The following LRP1B variants were observed in gnomAD, a reference collection of about 807,000 sequenced individuals.
LRP1B encodes low-density lipoprotein receptor-related protein 1B.
LRP1B carries 217 observed loss-of-function variants against 556.6 expected under a neutral mutation model. The ratio of observed to expected loss-of-function variants is 0.39; its 90% CI spans 0.35 to 0.44. The LOEUF (loss-of-function observed/expected upper bound fraction) is 0.44. Ranked by LOEUF, LRP1B falls within the 20% of genes least tolerant of loss-of-function variation. The pLI is 1.00. For synonymous variants in LRP1B, 2,047 were observed against 1,865.8 expected, an observed-to-expected ratio of 1.10 and a Z score of -2.50; for missense variants, 5,053 against 5,620.8, an observed-to-expected ratio of 0.90 and a Z score of 3.23.
intron 20 of LRP1B, 28 bp downstream of exon 20, chr2:140,950,207 G>A (rs761231525): frequency 1.4e-6 from 2 of 1,472,148 alleles, no homozygotes; most frequent in Non-Finnish European, 9.1e-7. Flanking sequence ...TTTAAAATGA[G>A]ATTTCATTAA....
intron 41 of LRP1B, among the ~76,000 whole-genome samples, chr2:140,639,182 T>C (rs931467371): frequency 3.9e-5 from 6 of 152,200 alleles, no homozygotes; most frequent in African/African-American, 1.2e-4. Context: ...AATATCAACG[T>C]TGTGATAATC....
chr2:141,125,008 C>T (rs1701165948), intron 7 of LRP1B, among the ~76,000 whole-genome samples: 1 of 151,976 alleles, frequency 6.6e-6, no homozygotes, highest in Non-Finnish European at 1.5e-5. Flanking sequence ...CAATCAATAC[C>T]TAGGTGCTTT....
chr2:141,150,442 C>G lies in LRP1B; in HGVS notation c.1013+37979G>C, dbSNP rs113070159. Among the ~76,000 whole-genome samples the G allele has an allele frequency of 3.4e-3, 514 of 152,242 alleles. 8 individuals carry two copies. The highest frequency in any genetic ancestry group is 0.012 in the African/African-American group (490 of 41,548). ...TTTTCCCATTTCTATTTCTAATACTCAAAGTGTTTCCCTTCACTCTATTTG... is the reference window on the plus strand; with the variant it reads ...TTTTCCCATTTCTATTTCTAATACTGAAAGTGTTTCCCTTCACTCTATTTG... On this transcript the variant is annotated intron_variant, in intron 7 of 90. Transcript: ENST00000389484.
At chr2:140,616,505 A>G (rs1315272112) in intron 41 of LRP1B, among the ~76,000 whole-genome samples, 2 of 148,046 alleles carry the variant, frequency 1.4e-5, no homozygotes, top group African/African-American at 5.0e-5. Context: ...TTTTTACTCC[A>G]AAGCTGGAGT....
intron 15 of LRP1B, among the ~76,000 whole-genome samples, chr2:140,996,182 C>T (rs1697239814): frequency 6.6e-6 from 1 of 151,928 alleles, no homozygotes; most frequent in South Asian, 2.1e-4. Context: ...TTATTCTTAG[C>T]TCTGATTTCC....
chr2:140,630,411 C>T (rs975883769), intron 41 of LRP1B, among the ~76,000 whole-genome samples: 5 of 152,140 alleles, frequency 3.3e-5, no homozygotes, highest in Admixed American at 1.3e-4. Context: ...ATCAGTAAAT[C>T]GATGTCATCA....
chr2:141,672,629 G>T (rs1470987212), intron 2 of LRP1B, among the ~76,000 whole-genome samples: 1 of 152,000 alleles, frequency 6.6e-6, no homozygotes, highest in Non-Finnish European at 1.5e-5. Flanking sequence ...TCTAAATCTG[G>T]GAAGCCTGCA....
chr2:140,391,056 A>G (rs1449308960), intron 66 of LRP1B, among the ~76,000 whole-genome samples: 3 of 152,154 alleles, frequency 2.0e-5, no homozygotes, highest in African/African-American at 7.2e-5. Flanking sequence ...GTAAATATTT[A>G]TAAAACTAAT....
intron 86 of LRP1B, among the ~76,000 whole-genome samples, chr2:140,258,188 T>G (rs1681779255): frequency 6.6e-6 from 1 of 151,996 alleles, no homozygotes. Context: ...GAACACTTAA[T>G]AAAATAATTA....
intron 8 of LRP1B, among the ~76,000 whole-genome samples, 163 bp from the exon 9 acceptor site, chr2:141,059,217 C>CT (rs965871205): frequency 2.6e-5 from 4 of 151,578 alleles, no homozygotes; most frequent in Non-Finnish European, 4.4e-5. Flanking sequence ...CTGATTAAAA[C>CT]TTTTTTTTCT....
chr2:140,654,488 T>G (rs972471086), intron 41 of LRP1B, among the ~76,000 whole-genome samples: 2 of 152,228 alleles, frequency 1.3e-5, no homozygotes, highest in Non-Finnish European at 2.9e-5. Context: ...TGAAGATTGA[T>G]CAAAGTGAAT....
chr2:142,070,402 G>A (rs1009226146), intron 1 of LRP1B, among the ~76,000 whole-genome samples: 2 of 151,790 alleles, frequency 1.3e-5, no homozygotes, highest in Non-Finnish European at 2.9e-5. Flanking sequence ...TCCTAAGGTT[G>A]CTTGTCTTTG....
intron 48 of LRP1B, 63 bp downstream of exon 48, chr2:140,526,174 G>A: frequency 6.8e-7 from 1 of 1,480,720 alleles, no homozygotes; most frequent in Non-Finnish European, 9.4e-7. Flanking sequence ...ATCTTGCACA[G>A]TGTTCAATGC....
intron 35 of LRP1B, among the ~76,000 whole-genome samples, chr2:140,745,082 C>T (rs932038107): frequency 2.0e-5 from 3 of 152,128 alleles, no homozygotes; most frequent in African/African-American, 7.2e-5. Context: ...GGTAGTAGAA[C>T]AAAGCAACCA....
At chr2:142,064,264 A>G (rs548716710) in intron 1 of LRP1B, among the ~76,000 whole-genome samples, 2 of 151,660 alleles carry the variant, frequency 1.3e-5, no homozygotes, top group South Asian at 4.2e-4. Context: ...ACAATGATTA[A>G]TATTGCAACT....
In LRP1B at chr2:141,089,633, C is replaced by T. The variant is rs532931299; in HGVS notation, c.1014-27360G>A. On this transcript the variant is annotated intron_variant, in intron 7 of 90. Transcript: ENST00000389484. ...ACCACTGTGCATAACTGGGGTGCAT[C>T]CCACTGGGGAAACTTTAGGAATCTG... Among the ~76,000 whole-genome samples the T allele has an allele frequency of 3.9e-5, 6 of 152,248 alleles. No individual in the cohort carries two copies. In the South Asian group the frequency reaches 1.2e-3, roughly 32 times the overall value.
intron 80 of LRP1B, 121 bp from the exon 81 acceptor site, chr2:140,324,187 G>GGAATATTTACAATA: frequency 1.8e-6 from 1 of 550,374 alleles, no homozygotes; most frequent in Non-Finnish European, 3.2e-6. Flanking sequence ...TTTCAGAATT[G>GGAATATTTACAATA]GAATATTTAC....
chr2:141,945,063 G>A (rs1027457179), intron 1 of LRP1B, among the ~76,000 whole-genome samples: 1 of 151,928 alleles, frequency 6.6e-6, no homozygotes, highest in African/African-American at 2.4e-5. Flanking sequence ...TATTTTTGTT[G>A]TCCTTTCTCC....
At chr2:140,634,056 T>C (rs1683988462) in intron 41 of LRP1B, among the ~76,000 whole-genome samples, 1 of 152,138 alleles carries the variant, frequency 6.6e-6, no homozygotes. Flanking sequence ...GTCAATAAAA[T>C]ATTAGCAAAT....
Sources: allele counts gnomAD v4.1 joint callset (sites outside exome capture counted in the v4.1 genomes callset), GRCh38; gene constraint gnomAD v4.1.1; transcripts MANE v1.5; gene names NCBI Gene and HGNC (gene_info 2026-07-23, HGNC 2026-07-21).